SLC16A4: variants seen among roughly 807,000 people sequenced by gnomAD.
SLC16A4 encodes the protein solute carrier family 16 member 4.
In SLC16A4, 39 loss-of-function variants were observed where a neutral mutation model predicts 47.9. The observed-to-expected ratio is 0.81, with a 90% CI of 0.63 to 1.06. The LOEUF is 1.06. SLC16A4 is among the 50% of genes least tolerant of loss of function. The pLI is 0.00. For synonymous variants in SLC16A4, 189 were observed against 199.9 expected (o/e 0.95, Z 0.46); for missense variants, 524 against 573.8 (o/e 0.91, Z 0.89).
chr1:110,386,642 G>C (rs1382773019), intron 2 of SLC16A4, among the ~76,000 whole-genome samples: 2 of 152,188 alleles, frequency 1.3e-5, no homozygotes, highest in Non-Finnish European at 1.5e-5. Flanking sequence ...TCTGGGAAAG[G>C]AGTTGGATCA....
At chr1:110,371,010 G>C (rs1661658223) in intron 8 of SLC16A4, 1 of 152,244 alleles carries the variant, frequency 6.6e-6, no homozygotes, top group Admixed American at 6.5e-5. Flanking sequence ...ATGTGGCAGA[G>C]TGAATAATGT....
chr1:110,363,809 A>G lies in SLC16A4; in HGVS notation c.1421T>C (p.Phe474Ser). ...CCATCTTTCGGCCAATGGTACAAAA[A>G]AAAAGGAAACTGAAGAGAGGAGATA... ...ICYLLSSVSF[F>S]FVPLAERWKN... is the part of the protein sequence containing the mutation. Residue 474 changes from phenylalanine (F) to serine (S), a missense_variant, in exon 9 of 9, where the codon TTT (phenylalanine) becomes TCT (serine). Physicochemically the swap from Phe to Ser is radical, Grantham distance 155 (BLOSUM62 -2). Coordinates refer to ENST00000369779, the MANE Select transcript of SLC16A4 (RefSeq NM_004696.3). The G allele has an allele frequency of 1.2e-6, 2 of 1,612,786 alleles. No homozygotes were observed. The highest frequency in any genetic ancestry group is 1.7e-6 in the Non-Finnish European group (2 of 1,179,580).
chr1:110,382,795 T>C, intron 3 of SLC16A4, 39 bp downstream of exon 3: 1 of 1,490,998 alleles, frequency 6.7e-7, no homozygotes, highest in Non-Finnish European at 9.0e-7. Flanking sequence ...CCTTTGTGGT[T>C]CTTCTCCTTA....
Position 110,379,329 on chromosome 1 carries a change from G to T in SLC16A4, c.554C>A (p.Ala185Glu). 1 of 1,603,256 alleles carries T rather than the reference G, an allele frequency of 6.2e-7. No homozygotes were observed. Among genetic ancestry groups the T allele is most frequent in the Non-Finnish European group, 8.5e-7 (1 of 1,171,584 alleles). Residue 185 changes from alanine (A) to glutamate (E), a missense_variant, in exon 6 of 9, where the codon GCA becomes GAA. Coordinates refer to ENST00000369779, the MANE Select transcript of SLC16A4 (RefSeq NM_004696.3). ...TGALILFGAI[A>E]LNLVPSSMLL... is the part of the protein sequence containing the mutation. ...CATACTAGAAGGCACCAAATTCAATGCGATAGCTCCAAATAATATAAGGGC... is the reference window on the plus strand; with the variant it reads ...CATACTAGAAGGCACCAAATTCAATTCGATAGCTCCAAATAATATAAGGGC...
intron 8 of SLC16A4, among the ~76,000 whole-genome samples, chr1:110,368,424 T>C (rs1661510147): frequency 6.6e-6 from 1 of 152,226 alleles, no homozygotes; most frequent in African/African-American, 2.4e-5. Context: ...TCTGTAAGCA[T>C]TTCCTTGGTG....
intron 8 of SLC16A4, chr1:110,370,390 A>G (rs1661622669): frequency 1.3e-5 from 2 of 152,144 alleles, no homozygotes; most frequent in South Asian, 4.1e-4. Context: ...GGCCAAGGTG[A>G]CTGATAAAAC....
rs974297702 is a variant in SLC16A4 at position 110,379,499 on chromosome 1, C to T, written c.527-143G>A. 15 of 713,020 alleles carry T rather than the reference C, an allele frequency of 2.1e-5. No individual in the cohort carries two copies. In the African/African-American group the frequency reaches 2.7e-4, roughly 13 times the overall value. 44.2% of individuals were successfully genotyped at this position (713,020 alleles called of 1,614,324 possible). A position where few individuals can be genotyped will look rare whatever the true frequency, so the allele number is the denominator to read the frequency against. On this transcript the variant is annotated intron_variant, in intron 5 of 8. Coordinates refer to ENST00000369779, the MANE Select transcript of SLC16A4 (RefSeq NM_004696.3). The stretch of plus-strand genomic sequence containing the variant: ...TTTGTCTCCGATTTGACTTATTAGT[C>T]ATATACACTGCTGTATCCGTGTAAT...
At chr1:110,383,519 G>A (rs1662544444) in intron 2 of SLC16A4, among the ~76,000 whole-genome samples, 1 of 152,104 alleles carries the variant, frequency 6.6e-6, no homozygotes, top group African/African-American at 2.4e-5. Context: ...GAAGGGTGGA[G>A]GGGGACCCAC....
intron 1 of SLC16A4, among the ~76,000 whole-genome samples, chr1:110,390,350 G>C (rs1227758924): frequency 6.6e-6 from 1 of 152,134 alleles, no homozygotes; most frequent in African/African-American, 2.4e-5. Flanking sequence ...ATTCTCCTTA[G>C]AAAACACTTG....
In SLC16A4 at chr1:110,379,352, G is replaced by GAGCGATA. The variant is rs757228801; in HGVS notation, c.530_531insTATCGCT (p.Leu178IlefsTer17). ...ATGCGATAGCTCCAAATAATATAAG[G>GAGCGATA]GCTCCTAAATAGGGAGAGATTGAGC... On this transcript the variant is annotated frameshift_variant, in exon 6 of 9. Coordinates refer to ENST00000369779, the MANE Select transcript of SLC16A4 (RefSeq NM_004696.3). LOFTEE classifies it high-confidence loss of function. 99 of 1,595,588 alleles carry GAGCGATA rather than the reference G, an allele frequency of 6.2e-5. 1 individual carries two copies. The South Asian group carries it at 1.1e-3, about 17-fold the overall frequency.
rs1285722086 is a variant in SLC16A4 at position 110,377,094 on chromosome 1, A to T, written c.1098T>A (p.Tyr366Ter). The T allele has an allele frequency of 6.2e-6, 10 of 1,614,172 alleles. No homozygotes were observed. The East Asian group carries it at 2.2e-4, about 36-fold the overall frequency. The part of the protein sequence containing the change: ...WVADQNWIKK[Y>*]HYHKSYLILC... ...GGATGAGGTAAGACTTGTGGTAATG[A>T]TACTTCTTAATCCAGTTTTGATCAG... The change falls in exon 7 of 9, where the codon TAT (tyrosine) becomes TAA (stop). Residue 366 changes from tyrosine to a stop codon, truncating the protein, a stop_gained. Coordinates refer to ENST00000369779, the MANE Select transcript of SLC16A4 (RefSeq NM_004696.3). LOFTEE classifies it high-confidence loss of function.
In SLC16A4 at chr1:110,375,140, T is replaced by TTG. The variant is rs1661917009; in HGVS notation, c.1336+317_1336+318insCA. 9.9e-6 allele frequency: 2 copies of TTG among 202,928 alleles called. 1 individual carries two copies. Among genetic ancestry groups the TTG allele is most frequent in the South Asian group, 3.1e-4 (2 of 6,474 alleles). 12.6% of individuals were successfully genotyped at this position (202,928 alleles called of 1,614,324 possible). The stretch of plus-strand genomic sequence containing the variant: ...AGCAATTGCTCCCAGCCTTTTTTTT[T>TTG]TTTTTTTAAAGCATCATGGGTCTTT... On this transcript the variant is annotated intron_variant, in intron 8 of 8. Coordinates refer to ENST00000369779, the MANE Select transcript of SLC16A4 (RefSeq NM_004696.3).
rs913691457 is a variant in SLC16A4 at position 110,363,219 on chromosome 1, G to A, written c.*547C>T. 7 of 152,146 alleles carry A rather than the reference G, an allele frequency of 4.6e-5. No individual in the cohort carries two copies. Among genetic ancestry groups the A allele is most frequent in the African/African-American group, 1.7e-4 (7 of 41,432 alleles). 9.4% of individuals were successfully genotyped at this position (152,146 alleles called of 1,614,324 possible). On this transcript the variant is annotated 3_prime_UTR_variant, in exon 9 of 9. Coordinates refer to ENST00000369779, the MANE Select transcript of SLC16A4 (RefSeq NM_004696.3). ...TTCCGATTTCTATTTAATACATAAGGTACCTGATTAAAATTTTAGCCTATT... is the reference window on the plus strand; with the variant it reads ...TTCCGATTTCTATTTAATACATAAGATACCTGATTAAAATTTTAGCCTATT...
intron 8 of SLC16A4, among the ~76,000 whole-genome samples, chr1:110,365,779 A>T (rs1661344426): frequency 6.6e-6 from 1 of 152,216 alleles, no homozygotes; most frequent in Non-Finnish European, 1.5e-5. Flanking sequence ...ATATGTGTAT[A>T]TATAAAACCT....
chr1:110,370,546 G>A lies in SLC16A4; in HGVS notation c.1336+4912C>T, dbSNP rs1157488697. ...TTTTCTGTGATAATGGGACAGAGAT[G>A]AGCTTAGATGAATGAATATATATTT... On this transcript the variant is annotated intron_variant, in intron 8 of 8. Transcript: ENST00000369779. 3 of 152,236 alleles carry A rather than the reference G, an allele frequency of 2.0e-5. No individual in the cohort carries two copies. In the East Asian group the frequency reaches 5.8e-4, roughly 29 times the overall value. 9.4% of individuals were successfully genotyped at this position (152,236 alleles called of 1,614,324 possible). A position where few individuals can be genotyped will look rare whatever the true frequency, so the allele number is the denominator to read the frequency against.
chr1:110,363,754 G>A lies in SLC16A4; in HGVS notation c.*12C>T, dbSNP rs1269620885. ...TTTGTTTAGCTCTCACTTGATTGCA[G>A]TCTTCTTTCTTTCAGGTCAGACTGT... is the stretch of plus-strand genomic sequence containing the variant. On this transcript the variant is annotated 3_prime_UTR_variant, in exon 9 of 9. Transcript: ENST00000369779. The A allele has an allele frequency of 6.3e-7, 1 of 1,594,810 alleles. No individual in the cohort carries two copies. The highest frequency in any genetic ancestry group is 8.5e-7 in the Non-Finnish European group (1 of 1,173,828).
At chr1:110,375,236 C>T in intron 8 of SLC16A4, 1 of 466,518 alleles carries the variant, frequency 2.1e-6, no homozygotes, top group Non-Finnish European at 3.9e-6. Flanking sequence ...CCCTACAACT[C>T]CCAAGAATAT....
rs558584972 is a variant in SLC16A4 at position 110,365,599 on chromosome 1, T to C, written c.1337-1706A>G. Among the ~76,000 whole-genome samples, 230 of 152,320 alleles carry C rather than the reference T, an allele frequency of 1.5e-3. 1 individual carries two copies. Among genetic ancestry groups the C allele is most frequent in the African/African-American group, 5.3e-3 (221 of 41,564 alleles). On this transcript the variant is annotated intron_variant, in intron 8 of 8. Coordinates refer to ENST00000369779, the MANE Select transcript of SLC16A4 (RefSeq NM_004696.3). ...AGTCTTTGTGTTATGTTGATTGTTATTGACCTATAGATCTCTAAGAAATAG... is the reference window on the plus strand; with the variant it reads ...AGTCTTTGTGTTATGTTGATTGTTACTGACCTATAGATCTCTAAGAAATAG...
At position 110,380,971 on chromosome 1, in the gene SLC16A4, G is replaced by C. The variant is rs745943356; in HGVS notation, c.526+11C>G. The C allele has an allele frequency of 1.2e-6, 2 of 1,612,298 alleles. No individual in the cohort carries two copies. The highest frequency in any genetic ancestry group is 2.2e-5 in the East Asian group (1 of 44,862). ...GCACAGTTGATAGTAAATAAACTTA[G>C]AATGACGTACCTGTCCAGTCATACA... is the stretch of plus-strand genomic sequence containing the variant. On this transcript the variant is annotated intron_variant, in intron 5 of 8. Transcript: ENST00000369779.
Sources: allele counts gnomAD v4.1 joint callset (sites outside exome capture counted in the v4.1 genomes callset), GRCh38; gene constraint gnomAD v4.1.1; transcripts MANE v1.5; gene names NCBI Gene and HGNC (gene_info 2026-07-23, HGNC 2026-07-21).